Variants in KHDC1 observed in about 807,000 individuals in gnomAD.
KHDC1 encodes KH homology domain-containing protein 1.
In KHDC1, 21 loss-of-function variants were observed where a neutral mutation model predicts 24.7. That is an observed-to-expected ratio of 0.85 (90% CI 0.60 to 1.23). The LOEUF is 1.23. Among genes scored for constraint, KHDC1 ranks in the 50% most tolerant of loss-of-function variants. The probability of loss-of-function intolerance (pLI) is 0.00; values close to 1 mark genes in which losing one functional copy is unlikely to be tolerated. For synonymous variants in KHDC1, 98 were observed against 111.7 expected (o/e 0.88, Z 0.77); for missense variants, 274 against 298.5 (o/e 0.92, Z 0.61).
chr6:73,279,642 C>T (rs115766593), intron 2 of KHDC1, among the ~76,000 whole-genome samples: 1,460 of 132,544 alleles, frequency 0.011, 21 homozygotes, highest in African/African-American at 0.04. Context: ...AGTGCAGTGG[C>T]GAACATGGCT....
intron 2 of KHDC1, among the ~76,000 whole-genome samples, chr6:73,253,277 C>G (rs777174960): frequency 6.6e-6 from 1 of 151,928 alleles, no homozygotes; most frequent in Non-Finnish European, 1.5e-5. Context: ...GTTAACCTGC[C>G]GGGTACGGTG....
chr6:73,254,722 G>T (rs1175065256), intron 2 of KHDC1, among the ~76,000 whole-genome samples: 1 of 152,014 alleles, frequency 6.6e-6, no homozygotes, highest in Non-Finnish European at 1.5e-5. Flanking sequence ...GTTTCTTATG[G>T]CCAGGAGCGG....
At chr6:73,293,401 T>G (rs2150736028) in intron 1 of KHDC1, 1 of 374,352 alleles carries the variant, frequency 2.7e-6, no homozygotes, top group East Asian at 6.7e-5. Flanking sequence ...AGAATTGGAA[T>G]AAAATTGACT....
exon 5 of KHDC1, chr6:73,241,617 C>T (rs1160697933): frequency 6.2e-7 from 1 of 1,614,222 alleles, no homozygotes; most frequent in Non-Finnish European, 8.5e-7. Context: ...CACGGTTCCA[C>T]TTATCCTGGG....
At chr6:73,279,566 G>A (rs1337398251) in intron 2 of KHDC1, among the ~76,000 whole-genome samples, 1 of 149,376 alleles carries the variant, frequency 6.7e-6, no homozygotes, top group Non-Finnish European at 1.5e-5. Context: ...TGATAACATG[G>A]GACCATGGAT....
At chr6:73,289,421 G>A (rs1028417313) in intron 2 of KHDC1, among the ~76,000 whole-genome samples, 13 of 147,216 alleles carry the variant, frequency 8.8e-5, no homozygotes, top group African/African-American at 2.3e-4. Flanking sequence ...AGGCCAAGGC[G>A]GGTGGATCAT....
At chr6:73,300,764 T>C (rs984909488) in intron 1 of KHDC1, 1 of 152,212 alleles carries the variant, frequency 6.6e-6, no homozygotes. Context: ...CCTCTTTGGT[T>C]TGCAGTTGTC....
intron 1 of KHDC1, among the ~76,000 whole-genome samples, chr6:73,305,458 T>C (rs1767946878): frequency 6.6e-6 from 1 of 152,100 alleles, no homozygotes; most frequent in Non-Finnish European, 1.5e-5. Context: ...TTTTAGTTTC[T>C]CTGTGTCTGA....
intron 2 of KHDC1, among the ~76,000 whole-genome samples, chr6:73,271,706 C>A (rs1237764450): frequency 6.6e-6 from 1 of 150,444 alleles, no homozygotes; most frequent in Non-Finnish European, 1.5e-5. Flanking sequence ...CCAGCCTGGC[C>A]AACATGGTGA....
At position 73,248,364 on chromosome 6, in the gene KHDC1, G is replaced by GTCTC. The variant is rs139528627; in HGVS notation, c.207-5838_207-5835dup. 1.9e-3 allele frequency among the ~76,000 whole-genome samples: 278 copies of GTCTC among 147,180 alleles called. 1 individual carries two copies. Among genetic ancestry groups the GTCTC allele is most frequent in the African/African-American group, 6.1e-3 (246 of 40,120 alleles). The stretch of plus-strand genomic sequence containing the variant: ...AATCCGATGTTCCACTTCTCTCTCT[G>GTCTC]TCTCTCTCTCTCTCTCTCTCCTCTA... On this transcript the variant is annotated intron_variant, in intron 2 of 4. Coordinates refer to ENST00000370384, the Ensembl canonical transcript of KHDC1.
intron 2 of KHDC1, among the ~76,000 whole-genome samples, chr6:73,289,408 G>A (rs956033524): frequency 6.7e-6 from 1 of 148,910 alleles, no homozygotes; most frequent in African/African-American, 2.5e-5. Flanking sequence ...CCAGCACTTT[G>A]GGAGGCCAAG....
chr6:73,247,218 T>C (rs1037816619), intron 2 of KHDC1, among the ~76,000 whole-genome samples: 26 of 151,828 alleles, frequency 1.7e-4, no homozygotes, highest in African/African-American at 6.3e-4. Flanking sequence ...CCTCAAGTGA[T>C]CACCCACCTC....
rs915602273 is a variant in KHDC1, at chr6:73,265,229, A to G, written c.207-22699T>C. Reference sequence around the variant, plus strand: ...AAATTCTCCCCAGAAACCGCAAAACAATTATAATGTTGAGAGAAGAATGAA... The same window carrying G: ...AAATTCTCCCCAGAAACCGCAAAACGATTATAATGTTGAGAGAAGAATGAA... On this transcript the variant is annotated intron_variant, in intron 2 of 4. Coordinates refer to ENST00000370384, the Ensembl canonical transcript of KHDC1. 2.6e-5 allele frequency among the ~76,000 whole-genome samples: 4 copies of G among 152,188 alleles called. No homozygotes were observed. The East Asian group carries it at 7.7e-4, about 29-fold the overall frequency.
At chr6:73,244,939 T>C (rs1205620122) in intron 2 of KHDC1, among the ~76,000 whole-genome samples, 1 of 152,080 alleles carries the variant, frequency 6.6e-6, no homozygotes, top group South Asian at 2.1e-4. Flanking sequence ...TAAAATATGA[T>C]AAAAATTTAA....
intron 1 of KHDC1, chr6:73,292,891 A>G: frequency 1.3e-6 from 1 of 764,452 alleles, no homozygotes; most frequent in East Asian, 3.0e-5. Flanking sequence ...GAGAATGTGA[A>G]TCAGTGCTTG....
intron 1 of KHDC1, among the ~76,000 whole-genome samples, chr6:73,303,561 C>A (rs1767913244): frequency 6.6e-6 from 1 of 152,214 alleles, no homozygotes; most frequent in African/African-American, 2.4e-5. Flanking sequence ...AAATTAACAT[C>A]ACCTGTCCTG....
At chr6:73,261,703 G>T (rs1244544081) in intron 2 of KHDC1, among the ~76,000 whole-genome samples, 1 of 151,862 alleles carries the variant, frequency 6.6e-6, no homozygotes, top group African/African-American at 2.4e-5. Context: ...CATGAGGTCA[G>T]GAGTTTGAAA....
intron 2 of KHDC1, among the ~76,000 whole-genome samples, chr6:73,261,017 C>T (rs1766970740): frequency 1.3e-5 from 2 of 152,128 alleles, no homozygotes; most frequent in African/African-American, 4.8e-5. Context: ...TTCTATGAAA[C>T]ATTTTAGCCC....
chr6:73,249,058 T>G (rs1384071099), intron 2 of KHDC1, among the ~76,000 whole-genome samples: 2 of 152,166 alleles, frequency 1.3e-5, no homozygotes, highest in African/African-American at 4.8e-5. Flanking sequence ...TAGTTAGCTT[T>G]GTGTACATGT....
Sources: gnomAD v4.1 joint callset for allele counts (sites outside exome capture counted in the v4.1 genomes callset) on GRCh38, gnomAD v4.1.1 for gene constraint, MANE v1.5 for transcripts, NCBI Gene and HGNC (gene_info 2026-07-23, HGNC 2026-07-21) for gene names.